ANKRD26: variants seen among roughly 807,000 people sequenced by gnomAD.
The protein encoded by ANKRD26 is ankyrin repeat domain 26, also known as ankyrin repeat domain-containing protein 26.
ANKRD26 carries 141 observed loss-of-function variants against 208.7 expected under a neutral mutation model. That is an observed-to-expected ratio of 0.68 (90% CI 0.59 to 0.78). The LOEUF is 0.78. Ranked by LOEUF, ANKRD26 falls within the 30% of genes least tolerant of loss-of-function variation. ANKRD26 has a pLI of 0.00. For missense variants in ANKRD26, 1,889 were observed against 1,938.7 expected (o/e 0.97, Z 0.48); for synonymous variants, 636 against 660.4 (o/e 0.96, Z 0.57).
At chr10:26,986,545 A>G (rs1446427483) in intron 3 of ANKRD26, among the ~76,000 whole-genome samples, 1 of 152,260 alleles carries the variant, frequency 6.6e-6, no homozygotes, top group African/African-American at 2.4e-5. Flanking sequence ...CAAAGGGCTA[A>G]TATCCAGAAT....
intron 21 of ANKRD26, 58 bp downstream of exon 21, chr10:27,039,907 A>T: frequency 1.3e-6 from 2 of 1,505,264 alleles, no homozygotes; most frequent in South Asian, 2.3e-5. Flanking sequence ...AATTACAAGA[A>T]TTCTATATAT....
intron 29 of ANKRD26, among the ~76,000 whole-genome samples, chr10:27,020,306 CTT>C (rs1393396245): frequency 6.6e-6 from 1 of 152,190 alleles, no homozygotes; most frequent in Non-Finnish European, 1.5e-5. Flanking sequence ...TCAAAATCCT[CTT>C]TTTAGCTTTT....
chr10:27,097,357 A>G (rs564904834), intron 1 of ANKRD26, among the ~76,000 whole-genome samples: 16 of 151,086 alleles, frequency 1.1e-4, no homozygotes, highest in Non-Finnish European at 1.9e-4. Flanking sequence ...GCTACTCAGG[A>G]GACTGAGGCA....
chr10:26,969,692 A>G (rs943958943), downstream of ANKRD26, among the ~76,000 whole-genome samples: 5 of 152,204 alleles, frequency 3.3e-5, no homozygotes, highest in Admixed American at 3.3e-4. Context: ...CCTCTGAAGA[A>G]TACCTACTTA....
intron 18 of ANKRD26, 83 bp from the exon 19 acceptor site, chr10:27,044,273 A>C (rs2054365490): frequency 2.5e-6 from 3 of 1,201,080 alleles, no homozygotes; most frequent in Non-Finnish European, 3.4e-6. Context: ...TTTTAAATAA[A>C]AGCTCTGCAT....
Position 27,038,059 on chromosome 10 carries a change from A to G in ANKRD26, c.2376-5T>C. ...TCTTCTTGGTTTAAGCTAAATCTGC[A>G]GTTAAATATGTTTATCTTAAAATCT... On this transcript the variant is annotated splice_region_variant and splice_polypyrimidine_tract_variant and intron_variant, in intron 21 of 33. Coordinates refer to ENST00000376087, the MANE Select transcript of ANKRD26 (RefSeq NM_014915.3). The G allele has an allele frequency of 1.2e-6, 2 of 1,605,246 alleles. No individual in the cohort carries two copies. The highest frequency in any genetic ancestry group is 1.7e-6 in the Non-Finnish European group (2 of 1,176,836).
At chr10:27,055,454 A>C (rs1360303995) in intron 15 of ANKRD26, among the ~76,000 whole-genome samples, 1 of 152,168 alleles carries the variant, frequency 6.6e-6, no homozygotes, top group Non-Finnish European at 1.5e-5. Context: ...TTCTACAAGT[A>C]AGGGGGAAAA....
intron 15 of ANKRD26, among the ~76,000 whole-genome samples, chr10:27,054,712 A>G (rs1367307063): frequency 6.6e-6 from 1 of 152,236 alleles, no homozygotes; most frequent in African/African-American, 2.4e-5. Context: ...AGGCAGCAAC[A>G]AGAGAGGGAA....
chr10:26,962,942 G>A, the ANKRD26 span, among the ~76,000 whole-genome samples: 1 of 151,998 alleles, frequency 6.6e-6, no homozygotes, highest in Admixed American at 6.6e-5. Context: ...TACATTCTGG[G>A]CACTTTTCTA....
At chr10:26,987,074 T>C (rs2052401857), downstream of ANKRD26, among the ~76,000 whole-genome samples, 2 of 152,128 alleles carry the variant, frequency 1.3e-5, no homozygotes, top group South Asian at 2.1e-4. Flanking sequence ...ATGTGGCACA[T>C]ATACACCATG....
intron 3 of ANKRD26, among the ~76,000 whole-genome samples, chr10:26,985,529 T>C (rs188420859): frequency 9.8e-5 from 15 of 152,322 alleles, no homozygotes; most frequent in African/African-American, 3.6e-4. Flanking sequence ...TTTCAGGTTT[T>C]ATGACCATTC....
At chr10:26,990,972 G>C (rs1414288463), downstream of ANKRD26, among the ~76,000 whole-genome samples, 5 of 152,188 alleles carry the variant, frequency 3.3e-5, no homozygotes, top group African/African-American at 1.2e-4. Context: ...TGGGGACCAG[G>C]CTAAAGACCA....
At chr10:27,045,917 A>G (rs566688464) in intron 18 of ANKRD26, among the ~76,000 whole-genome samples, 15 of 152,338 alleles carry the variant, frequency 9.8e-5, no homozygotes, top group African/African-American at 3.6e-4. Flanking sequence ...GTTTATTATA[A>G]ATCTTTAAAA....
Position 27,067,146 on chromosome 10 carries a change from C to T in ANKRD26, c.1207+11G>A. On this transcript the variant is annotated intron_variant, in intron 10 of 33. Coordinates refer to ENST00000376087, the MANE Select transcript of ANKRD26 (RefSeq NM_014915.3). ...GGATAGAAAAATATTCAGAGATATCCACTAACTTACCACTTCTATTATTTT... is the reference window on the plus strand; with the variant it reads ...GGATAGAAAAATATTCAGAGATATCTACTAACTTACCACTTCTATTATTTT... 1 of 1,612,104 alleles carries T rather than the reference C, an allele frequency of 6.2e-7. No individual in the cohort carries two copies. Among genetic ancestry groups the T allele is most frequent in the South Asian group, 1.1e-5 (1 of 91,028 alleles).
chr10:27,035,350 A>G lies in ANKRD26; in HGVS notation c.3100T>C (p.Phe1034Leu), dbSNP rs1225339865. 6.2e-7 allele frequency: 1 copy of G among 1,613,972 alleles called. No homozygotes were observed. Among genetic ancestry groups the G allele is most frequent in the Non-Finnish European group, 8.5e-7 (1 of 1,179,928 alleles). ...GAACATTCATCTCTTGCTCTCTGGA[A>G]AGCAAGTTCTAGTTCTCTTTTTGAT... The part of the protein sequence containing the change: ...ETSKRELELA[F>L]QRARDECSRL... The change falls in exon 24 of 34, where the codon TTC becomes CTC. Residue 1034 changes from phenylalanine (F) to leucine (L), a missense_variant. By Grantham distance (22) the Phe-to-Leu change is conservative. This residue lies in a region of ANKRD26 where 1,272 missense variants were observed against 1,273.8 expected (regional missense o/e 1.00). Transcript: ENST00000376087.
intron 33 of ANKRD26, among the ~76,000 whole-genome samples, chr10:27,006,161 G>T (rs147255131): frequency 6.6e-6 from 1 of 152,146 alleles, no homozygotes; most frequent in Non-Finnish European, 1.5e-5. Flanking sequence ...AGTCAATAAC[G>T]TAGGCTTTTT....
At chr10:27,003,670 T>C (rs991691469), downstream of ANKRD26, among the ~76,000 whole-genome samples, 1 of 152,224 alleles carries the variant, frequency 6.6e-6, no homozygotes, top group South Asian at 2.1e-4. Flanking sequence ...TGCCTCCAGA[T>C]GCTGCATTGC....
Position 27,005,651 on chromosome 10 carries a change from T to A in ANKRD26, c.5072A>T (p.Asp1691Val). 6.2e-7 allele frequency: 1 copy of A among 1,613,206 alleles called. No individual in the cohort carries two copies. The highest frequency in any genetic ancestry group is 8.5e-7 in the Non-Finnish European group (1 of 1,179,514). ...GSTDESNLNQ[D>V]LVWKASREYV... Reference sequence around the variant, plus strand: ...TTCTCTTGATGCTTTCCAAACTAGATCTTGATTTAGATTTGACTCATCAGT... The same window carrying A: ...TTCTCTTGATGCTTTCCAAACTAGAACTTGATTTAGATTTGACTCATCAGT... Residue 1691 changes from aspartate (D) to valine (V), a missense_variant, in exon 34 of 34, where the codon GAT (aspartate) becomes GTT (valine). Around this residue, in one of 3 missense-constraint regions of ANKRD26, gnomAD observed 613 missense variants for 648.2 expected, o/e 0.95. Transcript: ENST00000376087.
In ANKRD26 at chr10:27,083,859, A is replaced by T. The variant is rs568348640; in HGVS notation, c.710-1026T>A. ...GGAAGCACAGTCATGTTATTCACTT[A>T]CATATTATTTATGACTGCTTTCACA... On this transcript the variant is annotated intron_variant, in intron 5 of 33. Transcript: ENST00000376087. 4.4e-4 allele frequency among the ~76,000 whole-genome samples: 67 copies of T among 152,368 alleles called. No homozygotes were observed. The South Asian group carries it at 0.014, about 32-fold the overall frequency.
Sources: allele counts gnomAD v4.1 joint callset (sites outside exome capture counted in the v4.1 genomes callset), GRCh38; gene constraint gnomAD v4.1.1; regional missense constraint gnomAD v4.1.1; transcripts MANE v1.5; gene names NCBI Gene and HGNC (gene_info 2026-07-23, HGNC 2026-07-21).